The following HOOK1 variants were observed in gnomAD, a reference collection of about 807,000 sequenced individuals.
HOOK1 encodes hook microtubule tethering protein 1.
In HOOK1, 60 loss-of-function variants were observed where a neutral mutation model predicts 112.8. The ratio of observed to expected loss-of-function variants is 0.53; its 90% CI spans 0.43 to 0.66. The LOEUF (loss-of-function observed/expected upper bound fraction) is 0.66. Ranked by LOEUF, HOOK1 falls within the 30% of genes least tolerant of loss-of-function variation. HOOK1 has a pLI of 0.00. For synonymous variants in HOOK1, 294 were observed against 283.8 expected (o/e 1.04, Z -0.36); for missense variants, 770 against 856.0 (o/e 0.90, Z 1.25).
At chr1:59,866,072 C>T (rs1241852395) in intron 19 of HOOK1, 100 bp downstream of exon 19, 1 of 692,316 alleles carries the variant, frequency 1.4e-6, no homozygotes, top group South Asian at 1.6e-5. Context: ...TGTATCTAAT[C>T]ACTTCTCTCT....
In HOOK1 at chr1:59,830,112, C is replaced by T. The variant is rs144865882; in HGVS notation, c.222+1260C>T. 5.4e-3 allele frequency among the ~76,000 whole-genome samples: 816 copies of T among 151,904 alleles called. 11 individuals are homozygous for T. Among genetic ancestry groups the T allele is most frequent in the African/African-American group, 0.016 (681 of 41,484 alleles). On this transcript the variant is annotated intron_variant, in intron 3 of 21. Coordinates refer to ENST00000371208, the MANE Select transcript of HOOK1 (RefSeq NM_015888.6). Reference sequence around the variant, plus strand: ...CATTTATTGAGTCTTATTTTATGACCGAACCTATGGTCTGTCTTGGTGAAT... The same window carrying T: ...CATTTATTGAGTCTTATTTTATGACTGAACCTATGGTCTGTCTTGGTGAAT...
chr1:59,867,112 AT>A (rs558570481), intron 19 of HOOK1, among the ~76,000 whole-genome samples: 4 of 152,006 alleles, frequency 2.6e-5, no homozygotes, highest in Admixed American at 6.6e-5. Flanking sequence ...CATAAATATG[AT>A]TTTTTTTCCC....
intron 16 of HOOK1, 57 bp downstream of exon 16, chr1:59,862,934 C>A: frequency 1.1e-6 from 1 of 944,258 alleles, no homozygotes; most frequent in South Asian, 1.3e-5. Context: ...TTTAATAGAT[C>A]ATGATGTCCA....
intron 9 of HOOK1, among the ~76,000 whole-genome samples, chr1:59,844,359 C>G (rs1172733486): frequency 1.3e-5 from 2 of 151,916 alleles, no homozygotes; most frequent in African/African-American, 2.4e-5. Flanking sequence ...TGAGGACATT[C>G]TCTTATAAGC....
chr1:59,843,437 T>A lies in HOOK1; in HGVS notation c.627T>A (p.Thr209=). The change falls in exon 9 of 22, where the codon ACT becomes ACA. Residue 209 remains threonine, a synonymous_variant. Transcript: ENST00000371208. ...QRCEELDMQV[T]TLQDEKNSLV... ...TATGTGTATTTGTTTCTTAGGTGAC[T>A]ACACTTCAAGATGAAAAGAATTCAC... 6.2e-7 allele frequency: 1 copy of A among 1,606,898 alleles called. No individual in the cohort carries two copies. Among genetic ancestry groups the A allele is most frequent in the Non-Finnish European group, 8.5e-7 (1 of 1,176,878 alleles).
chr1:59,863,166 C>T (rs112338856), intron 16 of HOOK1, among the ~76,000 whole-genome samples: 3 of 152,246 alleles, frequency 2.0e-5, no homozygotes, highest in African/African-American at 7.2e-5. Flanking sequence ...TACCAAAGTT[C>T]ATGATGATTC....
chr1:59,839,818 C>T (rs2098400035), intron 7 of HOOK1, among the ~76,000 whole-genome samples: 1 of 152,102 alleles, frequency 6.6e-6, no homozygotes. Context: ...ATGATATTGG[C>T]TGTGGTTTTG....
intron 4 of HOOK1, 147 bp from the exon 5 acceptor site, chr1:59,833,258 A>G: frequency 4.6e-6 from 3 of 649,306 alleles, no homozygotes; most frequent in Non-Finnish European, 6.9e-6. Flanking sequence ...AACATTGCTA[A>G]CTGGTTTTAA....
chr1:59,825,199 A>G (rs1431304968), intron 2 of HOOK1, among the ~76,000 whole-genome samples: 1 of 152,220 alleles, frequency 6.6e-6, no homozygotes, highest in African/African-American at 2.4e-5. Context: ...TTTATTACAT[A>G]CATGAAGACC....
intron 2 of HOOK1, among the ~76,000 whole-genome samples, chr1:59,823,458 A>G (rs750477047): frequency 7.9e-5 from 12 of 152,170 alleles, no homozygotes; most frequent in African/African-American, 1.2e-4. Flanking sequence ...GTTTTTTGTC[A>G]CTAGAATTTA....
At chr1:59,839,945 A>G (rs988709294) in intron 7 of HOOK1, among the ~76,000 whole-genome samples, 3 of 152,176 alleles carry the variant, frequency 2.0e-5, no homozygotes, top group Non-Finnish European at 2.9e-5. Context: ...CTATTGAGAT[A>G]ATCATGTGGT....
chr1:59,837,271 A>G lies in HOOK1; in HGVS notation c.537+336A>G, dbSNP rs992110013. Among the ~76,000 whole-genome samples the G allele has an allele frequency of 2.6e-5, 4 of 152,242 alleles. No homozygotes were observed. In the East Asian group the frequency reaches 7.7e-4, roughly 29 times the overall value. ...TAATGTAATTTTTTTCACTGTTGCT[A>G]TCCTCTCACTTGATATTGAAGAAAT... On this transcript the variant is annotated intron_variant, in intron 7 of 21. Transcript: ENST00000371208.
rs1643996000 is a variant in HOOK1, at chr1:59,867,960, G to C, written c.1846-290G>C. On this transcript the variant is annotated intron_variant, in intron 19 of 21. Coordinates refer to ENST00000371208, the MANE Select transcript of HOOK1 (RefSeq NM_015888.6). Reference sequence around the variant, plus strand: ...CAAGACTTTAATGCCTAAAGTTTGAGTATTGAAAAGGCTAAATAACTATTT... The same window carrying C: ...CAAGACTTTAATGCCTAAAGTTTGACTATTGAAAAGGCTAAATAACTATTT... 2.0e-5 allele frequency among the ~76,000 whole-genome samples: 3 copies of C among 152,154 alleles called. No homozygotes were observed. In the South Asian group the frequency reaches 6.2e-4, roughly 31 times the overall value.
chr1:59,828,961 T>C lies in HOOK1; in HGVS notation c.222+109T>C. The C allele has an allele frequency of 3.6e-6, 3 of 822,334 alleles. No homozygotes were observed. In the South Asian group the frequency reaches 5.6e-5, roughly 15 times the overall value. 50.9% of individuals were successfully genotyped at this position (822,334 alleles called of 1,614,324 possible). ...TTAACTTATAGTACTTTTTGTTGTGTATAGTTTGAGTTTTAACACATGTAT... is the reference window on the plus strand; with the variant it reads ...TTAACTTATAGTACTTTTTGTTGTGCATAGTTTGAGTTTTAACACATGTAT... On this transcript the variant is annotated intron_variant, in intron 3 of 21. Coordinates refer to ENST00000371208, the MANE Select transcript of HOOK1 (RefSeq NM_015888.6).
intron 12 of HOOK1, among the ~76,000 whole-genome samples, chr1:59,854,026 ATATATATATATATTTTTTTTTTTT>A (rs2098408910): frequency 4.4e-5 from 1 of 22,714 alleles, no homozygotes; most frequent in African/African-American, 2.0e-4. Flanking sequence ...ATATATATAT[ATATATATATATATTTTTTTTTTTT>A]TTTTTTTTTT....
At chr1:59,818,799 TG>T (rs1159856421) in intron 1 of HOOK1, among the ~76,000 whole-genome samples, 1 of 152,188 alleles carries the variant, frequency 6.6e-6, no homozygotes, top group African/African-American at 2.4e-5. Flanking sequence ...AAGCAATGGT[TG>T]TTTTTTTTGT....
intron 8 of HOOK1, among the ~76,000 whole-genome samples, chr1:59,840,849 G>A (rs765392564): frequency 1.3e-5 from 2 of 152,020 alleles, no homozygotes; most frequent in Non-Finnish European, 2.9e-5. Flanking sequence ...ATATATAAAC[G>A]TGTGTATATA....
intron 8 of HOOK1, 67 bp from the exon 9 acceptor site, chr1:59,843,365 C>G (rs2098401971): frequency 1.7e-6 from 2 of 1,171,332 alleles, no homozygotes; most frequent in Non-Finnish European, 2.4e-6. Flanking sequence ...ACTCTAGACT[C>G]TAATAAGAAT....
chr1:59,838,577 C>A (rs528307083), intron 7 of HOOK1, among the ~76,000 whole-genome samples: 141 of 152,064 alleles, frequency 9.3e-4, no homozygotes, highest in African/African-American at 3.3e-3. Context: ...TGTTTAAGTT[C>A]TTTGTAGATT....
Sources: gnomAD v4.1 joint callset for allele counts (sites outside exome capture counted in the v4.1 genomes callset) on GRCh38, gnomAD v4.1.1 for gene constraint, MANE v1.5 for transcripts, NCBI Gene and HGNC (gene_info 2026-07-23, HGNC 2026-07-21) for gene names.